Variants in COL10A1 observed in about 807,000 individuals in gnomAD.
COL10A1 encodes the protein collagen alpha-1(X) chain.
Under a neutral mutation model 18.2 loss-of-function variants are expected in COL10A1, and 10 were observed. That is an observed-to-expected ratio of 0.55 (90% CI 0.34 to 0.93). The LOEUF is 0.93. Among genes scored for constraint, COL10A1 ranks in the 40% least tolerant of loss-of-function variants. COL10A1 has a pLI of 0.02. For missense variants in COL10A1, 897 were observed against 853.5 expected (o/e 1.05, Z -0.64); for synonymous variants, 330 against 316.6 (o/e 1.04, Z -0.45).
chr6:116,183,649 T>A, the COL10A1 span, among the ~76,000 whole-genome samples: 8 of 151,972 alleles, frequency 5.3e-5, no homozygotes, highest in East Asian at 1.9e-4. Context: ...TTTTATTATT[T>A]TTTTTTTGCA....
At chr6:116,179,835 A>G in the COL10A1 span, among the ~76,000 whole-genome samples, 6 of 152,102 alleles carry the variant, frequency 3.9e-5, no homozygotes, top group Non-Finnish European at 8.8e-5. Context: ...AGGCACAAGA[A>G]TATACATAAT....
At chr6:116,127,843 C>A (rs1294208583), upstream of COL10A1, among the ~76,000 whole-genome samples, 1 of 152,166 alleles carries the variant, frequency 6.6e-6, no homozygotes, top group Non-Finnish European at 1.5e-5. Context: ...GCTCTTAATA[C>A]ATAGTGCTAT....
chr6:116,172,560 T>G, the COL10A1 span, among the ~76,000 whole-genome samples: 1 of 152,020 alleles, frequency 6.6e-6, no homozygotes, highest in Non-Finnish European at 1.5e-5. Context: ...GACCCCCTGA[T>G]CCACCCACTT....
At chr6:116,172,837 A>G in the COL10A1 span, among the ~76,000 whole-genome samples, 3 of 152,032 alleles carry the variant, frequency 2.0e-5, no homozygotes, top group African/African-American at 7.2e-5. Context: ...AGGAAAATCT[A>G]CTCTCCTTGT....
chr6:116,130,250 C>G (rs1278259815), upstream of COL10A1, among the ~76,000 whole-genome samples: 5 of 152,074 alleles, frequency 3.3e-5, no homozygotes, highest in Non-Finnish European at 5.9e-5. Flanking sequence ...TAAGCTGCTC[C>G]CAGCATCCTC....
the COL10A1 span, among the ~76,000 whole-genome samples, chr6:116,179,619 T>C: frequency 6.6e-6 from 1 of 152,104 alleles, no homozygotes; most frequent in Non-Finnish European, 1.5e-5. Flanking sequence ...AATTAAATTG[T>C]TTTCATCATT....
the COL10A1 span, among the ~76,000 whole-genome samples, chr6:116,207,466 AT>A: frequency 2.6e-5 from 4 of 151,840 alleles, no homozygotes; most frequent in South Asian, 2.1e-4. Flanking sequence ...TATTTTTCAG[AT>A]TTTTTTTCAT....
intron 1 of COL10A1, among the ~76,000 whole-genome samples, chr6:116,157,380 G>A (rs1369792595): frequency 6.6e-6 from 1 of 152,168 alleles, no homozygotes; most frequent in Non-Finnish European, 1.5e-5. Context: ...ACAGTCTTTG[G>A]CCACTGCTAT....
chr6:116,144,486 C>G (rs560612839), intron 1 of COL10A1, among the ~76,000 whole-genome samples: 3 of 150,098 alleles, frequency 2.0e-5, no homozygotes, highest in Admixed American at 6.6e-5. Flanking sequence ...GATGACAGAG[C>G]GAGACTCCGT....
the COL10A1 span, among the ~76,000 whole-genome samples, chr6:116,214,378 T>G: frequency 6.6e-6 from 1 of 152,192 alleles, no homozygotes; most frequent in Non-Finnish European, 1.5e-5. Context: ...GACACAGATT[T>G]GAGCATTTTT....
chr6:116,179,785 A>G, the COL10A1 span, among the ~76,000 whole-genome samples: 1 of 152,118 alleles, frequency 6.6e-6, no homozygotes, highest in Admixed American at 6.6e-5. Flanking sequence ...TGGTTCAGGC[A>G]TACTGAGGAT....
intron 2 of COL10A1, 142 bp downstream of exon 2, chr6:116,125,197 A>G: frequency 2.4e-6 from 2 of 843,510 alleles, no homozygotes; most frequent in Non-Finnish European, 3.7e-6. Flanking sequence ...TTTTTCACAG[A>G]TCACTTTGTT....
upstream of COL10A1, among the ~76,000 whole-genome samples, chr6:116,128,474 A>G (rs2114321263): frequency 6.6e-6 from 1 of 152,300 alleles, no homozygotes; most frequent in Non-Finnish European, 1.5e-5. Flanking sequence ...TTTAAACTCT[A>G]TAACCTGAGT....
chr6:116,197,942 C>G, the COL10A1 span, among the ~76,000 whole-genome samples: 1 of 152,062 alleles, frequency 6.6e-6, no homozygotes, highest in African/African-American at 2.4e-5. Flanking sequence ...ATAGGGCTGC[C>G]ACCAAAGCTC....
chr6:116,126,975 T>G (rs1562128398), upstream of COL10A1, among the ~76,000 whole-genome samples: 1 of 152,126 alleles, frequency 6.6e-6, no homozygotes, highest in Non-Finnish European at 1.5e-5. Context: ...TTAACAATAT[T>G]AGGAAGCCTT....
rs1779576012 is a variant in COL10A1, at chr6:116,135,814, T to C, written c.-15-10307A>G. Among the ~76,000 whole-genome samples the C allele has an allele frequency of 2.1e-5, 3 of 141,196 alleles. No individual in the cohort carries two copies. In the South Asian group the frequency reaches 6.7e-4, roughly 32 times the overall value. The allele number at this position is 141,196 out of a possible 152,430, so 92.6% of individuals were successfully genotyped here. Reference sequence around the variant, plus strand: ...GATAAATTAAAAGTATATATATTTATGGTATACAATATATTTTCAGATATA... The same window carrying C: ...GATAAATTAAAAGTATATATATTTACGGTATACAATATATTTTCAGATATA... On this transcript the variant is annotated intron_variant, in intron 1 of 1. Transcript: ENST00000418500.
At chr6:116,147,014 T>TA (rs397780478) in intron 1 of COL10A1, among the ~76,000 whole-genome samples, 8 of 147,444 alleles carry the variant, frequency 5.4e-5, no homozygotes, top group African/African-American at 1.0e-4. Context: ...TATATATATA[T>TA]TTTTAATCAT....
intron 2 of COL10A1, among the ~76,000 whole-genome samples, chr6:116,124,258 C>T (rs894796180): frequency 6.6e-6 from 1 of 151,848 alleles, no homozygotes; most frequent in Admixed American, 6.5e-5. Context: ...AACAAATATC[C>T]TTAGCTTTAT....
the COL10A1 span, among the ~76,000 whole-genome samples, chr6:116,214,790 T>C: frequency 6.6e-6 from 1 of 151,874 alleles, no homozygotes; most frequent in Non-Finnish European, 1.5e-5. Flanking sequence ...ATCTGTGTTG[T>C]GCACATGTAC....
Sources: gnomAD v4.1 joint callset for allele counts (sites outside exome capture counted in the v4.1 genomes callset) on GRCh38, gnomAD v4.1.1 for gene constraint, MANE v1.5 for transcripts, NCBI Gene and HGNC (gene_info 2026-07-23, HGNC 2026-07-21) for gene names.